Variants in SARS1 observed in about 807,000 individuals in gnomAD.
SARS1 encodes serine--tRNA ligase, cytoplasmic.
Under a neutral mutation model 63.7 loss-of-function variants are expected in SARS1, and 25 were observed. The ratio of observed to expected loss-of-function variants is 0.39; its 90% CI spans 0.29 to 0.55. SARS1 has a LOEUF of 0.55. SARS1 is among the 20% of genes least tolerant of loss of function. The probability of loss-of-function intolerance (pLI) is 0.62; values close to 1 mark genes in which losing one functional copy is unlikely to be tolerated. For synonymous variants in SARS1, 231 were observed against 243.5 expected (o/e 0.95, Z 0.48); for missense variants, 417 against 649.7 (o/e 0.64, Z 3.89).
chr1:109,217,091 C>CT, intron 1 of SARS1: 1 of 985,384 alleles, frequency 1.0e-6, no homozygotes, highest in Non-Finnish European at 1.2e-6. Context: ...TACTTGAAGG[C>CT]TTAAGTTTTG....
chr1:109,218,007 C>T (rs1277837623), intron 1 of SARS1, among the ~76,000 whole-genome samples: 9 of 151,396 alleles, frequency 5.9e-5, no homozygotes, highest in Non-Finnish European at 1.2e-4. Context: ...CTGGCTAACA[C>T]GGTGAAACCC....
Position 109,237,735 on chromosome 1 carries a change from G to C in SARS1, c.1392G>C (p.Leu464=). ...TGGTTGGCTCTTCCCTCCCAGGACT[G>C]CAAGAACTGATCCCCTTTGTGAAGC... is the stretch of plus-strand genomic sequence containing the variant. ...EKLKEFMPPG[L]QELIPFVKPA... is the part of the protein sequence containing the mutation. The change falls in exon 11 of 11, where the codon CTG becomes CTC. Residue 464 remains leucine, a synonymous_variant. Transcript: ENST00000234677. This position sits in a 1 kb window ranked among gnomAD's most constrained non-coding sequence, Gnocchi z 4.1. 1 of 1,614,136 alleles carries C rather than the reference G, an allele frequency of 6.2e-7. No homozygotes were observed. The highest frequency in any genetic ancestry group is 8.5e-7 in the Non-Finnish European group (1 of 1,180,018).
intron 2 of SARS1, among the ~76,000 whole-genome samples, chr1:109,226,677 A>ATATATATATATATATATATATAT: frequency 2.2e-5 from 1 of 44,964 alleles, no homozygotes; most frequent in African/African-American, 8.3e-5. Context: ...AAAAAAAAAA[A>ATATATATATATATATATATATAT]ATATATATAT....
chr1:109,231,933 G>A (rs1410917683), intron 6 of SARS1, 147 bp downstream of exon 6: 5 of 588,368 alleles, frequency 8.5e-6, no homozygotes, highest in Non-Finnish European at 1.0e-5. Flanking sequence ...AATGTGGGTG[G>A]TGCAATGGAG....
At chr1:109,226,996 T>C (rs986235867) in intron 2 of SARS1, among the ~76,000 whole-genome samples, 5 of 121,862 alleles carry the variant, frequency 4.1e-5, no homozygotes, top group African/African-American at 2.0e-4. Flanking sequence ...TCTTTAACTC[T>C]TTTTTTTTTT....
Position 109,235,903 on chromosome 1 carries a change from C to T in SARS1, c.970-74C>T. 1 of 1,424,580 alleles carries T rather than the reference C, an allele frequency of 7.0e-7. No individual in the cohort carries two copies. The highest frequency in any genetic ancestry group is 2.2e-4 in the Middle Eastern group (1 of 4,482). 88.2% of individuals were successfully genotyped at this position (1,424,580 alleles called of 1,614,324 possible). The stretch of plus-strand genomic sequence containing the variant: ...GTGGTGTGGAAACAGGTCTTCATGG[C>T]AAGGATGTCTCCCACTTCAGTCCTT... On this transcript the variant is annotated intron_variant, in intron 7 of 10. Coordinates refer to ENST00000234677, the MANE Select transcript of SARS1 (RefSeq NM_006513.4). The surrounding 1 kb of genome is among the most constrained non-coding windows in gnomAD (Gnocchi z 4.7).
chr1:109,222,814 A>T (rs1483928766), intron 1 of SARS1, among the ~76,000 whole-genome samples: 1 of 152,162 alleles, frequency 6.6e-6, no homozygotes, highest in East Asian at 1.9e-4. Flanking sequence ...ATTTGAGACC[A>T]GCCTGGGCAA....
chr1:109,219,262 C>CATAT (rs142272817), intron 1 of SARS1, among the ~76,000 whole-genome samples: 970 of 76,864 alleles, frequency 0.013, 51 homozygotes, highest in African/African-American at 0.038. Flanking sequence ...CAAGACTCTC[C>CATAT]ATATATATAT....
At chr1:109,216,546 A>G (rs1271747196) in intron 1 of SARS1, 21 of 984,754 alleles carry the variant, frequency 2.1e-5, no homozygotes, top group Non-Finnish European at 2.5e-5. Context: ...TCTGCTGCAA[A>G]CCCCAAGAAT....
rs1330631010 is a variant in SARS1 at position 109,230,936 on chromosome 1, C to G, written c.506C>G (p.Ser169Cys). Residue 169 changes from serine (S) to cysteine (C), a missense_variant, in exon 5 of 11, where the codon TCT (serine) becomes TGT (cysteine). This residue lies in a region of SARS1 where 359 missense variants were observed against 529.6 expected (regional missense o/e 0.68). Transcript: ENST00000234677. ...GATTGTACAGTCAGGAAGAAGTACT[C>G]TCATGTGGACCTGGTGGTGATGGTA... ...WGDCTVRKKY[S>C]HVDLVVMVDG... 2.5e-6 allele frequency: 4 copies of G among 1,596,298 alleles called. No homozygotes were observed. Among genetic ancestry groups the G allele is most frequent in the Non-Finnish European group, 2.6e-6 (3 of 1,171,038 alleles).
At chr1:109,231,112 A>C in intron 5 of SARS1, 91 bp downstream of exon 5, 1 of 846,084 alleles carries the variant, frequency 1.2e-6, no homozygotes, top group Non-Finnish European at 1.5e-6. Flanking sequence ...GAGAAACATA[A>C]TCTGTTTAAA....
At chr1:109,216,831 T>C (rs1479767550) in intron 1 of SARS1, 1 of 691,384 alleles carries the variant, frequency 1.4e-6, no homozygotes, top group Non-Finnish European at 1.8e-6. Flanking sequence ...TCATGTTGCC[T>C]AGGCTGGCCT....
Position 109,237,930 on chromosome 1 carries a change from G to C in SARS1, c.*42G>C. 1.2e-6 allele frequency: 2 copies of C among 1,606,838 alleles called. No individual in the cohort carries two copies. The highest frequency in any genetic ancestry group is 2.2e-5 in the South Asian group (2 of 90,304). ...ATTTGCCAGGCTTTCATTTCTGTCTGCTGAGATCTCAGAGCCTGCCCAACA... is the reference window on the plus strand; with the variant it reads ...ATTTGCCAGGCTTTCATTTCTGTCTCCTGAGATCTCAGAGCCTGCCCAACA... On this transcript the variant is annotated 3_prime_UTR_variant, in exon 11 of 11. Transcript: ENST00000234677. The surrounding 1 kb of genome is among the most constrained non-coding windows in gnomAD (Gnocchi z 4.1).
chr1:109,221,523 A>G (rs911046183), intron 1 of SARS1, among the ~76,000 whole-genome samples: 11 of 152,214 alleles, frequency 7.2e-5, no homozygotes, highest in Admixed American at 6.5e-4. Flanking sequence ...AGAAACTGTC[A>G]TTATTTGCAG....
At chr1:109,222,335 T>A (rs929476205) in intron 1 of SARS1, among the ~76,000 whole-genome samples, 5 of 152,120 alleles carry the variant, frequency 3.3e-5, no homozygotes, top group South Asian at 4.1e-4. Context: ...AAATTGACAT[T>A]GCTACAATCC....
Position 109,237,663 on chromosome 1 carries a change from C to G in SARS1, c.1388-68C>G. The G allele has an allele frequency of 6.4e-7, 1 of 1,550,416 alleles. No individual in the cohort carries two copies. Among genetic ancestry groups the G allele is most frequent in the Non-Finnish European group, 8.8e-7 (1 of 1,132,402 alleles). The stretch of plus-strand genomic sequence containing the variant: ...AGGGATCATTGTCTTGTTGAATTCT[C>G]CCCAGAGGTCTTAGGGCTTTGACTC... On this transcript the variant is annotated intron_variant, in intron 10 of 10. Coordinates refer to ENST00000234677, the MANE Select transcript of SARS1 (RefSeq NM_006513.4). The surrounding 1 kb of genome is among the most constrained non-coding windows in gnomAD (Gnocchi z 4.1).
At position 109,231,005 on chromosome 1, in the gene SARS1, G is replaced by A. The variant is rs1386868299; in HGVS notation, c.575G>A (p.Arg192Gln). The change falls in exon 5 of 11, where the codon CGA (arginine) becomes CAA (glutamine). Residue 192 changes from arginine (R) to glutamine (Q), a missense_variant. By Grantham distance (43) the Arg-to-Gln change is conservative. Around this residue, in one of 3 missense-constraint regions of SARS1, gnomAD observed 359 missense variants for 529.6 expected, o/e 0.68. Coordinates refer to ENST00000234677, the MANE Select transcript of SARS1 (RefSeq NM_006513.4). ...GEKGAVVAGS[R>Q]GYFLKGVLVF... ...AAGGGGGCCGTGGTGGCTGGGAGTC[G>A]AGGGTACTTCTTGAAGGTAAGAGCT... The A allele has an allele frequency of 5.3e-6, 8 of 1,519,764 alleles. No individual in the cohort carries two copies. The highest frequency in any genetic ancestry group is 7.0e-6 in the Non-Finnish European group (8 of 1,135,142). The allele number at this position is 1,519,764 out of a possible 1,614,324, so 94.1% of individuals were successfully genotyped here. A position where few individuals can be genotyped will look rare whatever the true frequency, so the allele number is the denominator to read the frequency against.
At chr1:109,230,831 A>T (rs778065016) in intron 4 of SARS1, 47 bp from the exon 5 acceptor site, 1 of 1,515,578 alleles carries the variant, frequency 6.6e-7, no homozygotes, top group East Asian at 2.4e-5. Flanking sequence ...TTTAAAAATA[A>T]TAAAATCATA....
At chr1:109,219,802 C>T (rs944984807) in intron 1 of SARS1, among the ~76,000 whole-genome samples, 9 of 152,156 alleles carry the variant, frequency 5.9e-5, no homozygotes, top group African/African-American at 2.2e-4. Context: ...CATGAGCCAC[C>T]GCGCCCGGCA....
Sources: gnomAD v4.1 joint callset for allele counts (sites outside exome capture counted in the v4.1 genomes callset) on GRCh38, gnomAD v4.1.1 for gene constraint, gnomAD v4.1.1 regional missense constraint, Gnocchi (gnomAD v3.1) non-coding constraint, MANE v1.5 for transcripts, NCBI Gene and HGNC (gene_info 2026-07-23, HGNC 2026-07-21) for gene names.